The following GALNT2 variants were observed in gnomAD, a reference collection of about 807,000 sequenced individuals.
GALNT2 encodes polypeptide N-acetylgalactosaminyltransferase 2.
A neutral mutation model predicts 81.4 loss-of-function variants in GALNT2; 31 were observed. That is an observed-to-expected ratio of 0.38 (90% CI 0.29 to 0.51). The LOEUF (loss-of-function observed/expected upper bound fraction) is 0.51, where lower values mean the gene tolerates loss of function less well. Among genes scored for constraint, GALNT2 ranks in the 20% least tolerant of loss-of-function variants. GALNT2 has a pLI of 0.87. For missense variants in GALNT2, 629 were observed against 765.7 expected (o/e 0.82, Z 2.11); for synonymous variants, 303 against 287.4 (o/e 1.05, Z -0.55).
intron 15 of GALNT2, among the ~76,000 whole-genome samples, chr1:230,276,837 C>T (rs1362111449): frequency 1.3e-5 from 2 of 152,224 alleles, no homozygotes; most frequent in African/African-American, 4.8e-5. Context: ...AATTGCCTCA[C>T]TCATTGGCCC....
chr1:230,060,397 G>T (rs932080209), intron 1 of GALNT2, among the ~76,000 whole-genome samples: 1 of 152,044 alleles, frequency 6.6e-6, no homozygotes, highest in Non-Finnish European at 1.5e-5. Flanking sequence ...CCATGATGCT[G>T]TCACCTTCTC....
intron 1 of GALNT2, among the ~76,000 whole-genome samples, chr1:230,126,044 G>T (rs562160751): frequency 1.2e-3 from 187 of 152,360 alleles, no homozygotes; most frequent in African/African-American, 4.1e-3. Flanking sequence ...AGAGGACGGT[G>T]TGTGGGCTAC....
chr1:230,168,500 A>T (rs1311370940), intron 1 of GALNT2, among the ~76,000 whole-genome samples: 1 of 152,230 alleles, frequency 6.6e-6, no homozygotes, highest in African/African-American at 2.4e-5. Flanking sequence ...GCTTTCGAGC[A>T]TTTATCAAGA....
At chr1:230,182,634 T>C (rs1663195623) in intron 2 of GALNT2, among the ~76,000 whole-genome samples, 1 of 152,240 alleles carries the variant, frequency 6.6e-6, no homozygotes, top group Non-Finnish European at 1.5e-5. Context: ...TGTTAAGGTA[T>C]GCTTTGTGGC....
intron 1 of GALNT2, among the ~76,000 whole-genome samples, chr1:230,147,517 G>A (rs910571970): frequency 2.6e-5 from 4 of 152,330 alleles, no homozygotes; most frequent in East Asian, 1.9e-4. Flanking sequence ...CTGCTCTGCC[G>A]TGTGCCTGGC....
chr1:230,115,127 T>G (rs1660807909), intron 1 of GALNT2, among the ~76,000 whole-genome samples: 3 of 151,302 alleles, frequency 2.0e-5, no homozygotes, highest in Non-Finnish European at 2.9e-5. Flanking sequence ...TGCCTCAGCC[T>G]CCTAAGTAGG....
In GALNT2 at chr1:230,145,860, C is replaced by G. The variant is rs535750619; in HGVS notation, c.127-32358C>G. 2.0e-5 allele frequency among the ~76,000 whole-genome samples: 3 copies of G among 152,228 alleles called. No homozygotes were observed. In the East Asian group the frequency reaches 5.8e-4, roughly 29 times the overall value. ...AAAGAAATGAGAGGTAGCATTTCGG[C>G]TTGCTTGCCTGCCTGCCCAGCCCCT... On this transcript the variant is annotated intron_variant, in intron 1 of 15. Transcript: ENST00000366672.
At chr1:230,094,023 A>C (rs1037197643) in intron 1 of GALNT2, among the ~76,000 whole-genome samples, 3 of 152,176 alleles carry the variant, frequency 2.0e-5, no homozygotes, top group African/African-American at 4.8e-5. Context: ...TGTGTTTGAG[A>C]TAGGGTCTCG....
chr1:230,174,946 G>A (rs1662913781), intron 1 of GALNT2, among the ~76,000 whole-genome samples: 1 of 152,138 alleles, frequency 6.6e-6, no homozygotes, highest in Admixed American at 6.5e-5. Flanking sequence ...AGCCTTCCTG[G>A]GGGCCCTGTT....
intron 10 of GALNT2, among the ~76,000 whole-genome samples, chr1:230,253,159 A>C (rs1665603275): frequency 2.0e-5 from 3 of 152,152 alleles, no homozygotes; most frequent in Admixed American, 6.5e-5. Flanking sequence ...ACAACTTCTT[A>C]GGTTGTGTTG....
At chr1:230,146,483 G>A (rs746648321) in intron 1 of GALNT2, among the ~76,000 whole-genome samples, 6 of 152,120 alleles carry the variant, frequency 3.9e-5, no homozygotes, top group African/African-American at 1.4e-4. Flanking sequence ...TTCCTGACCC[G>A]GTTGGAGTGA....
At chr1:230,194,407 G>A (rs1209091247) in intron 2 of GALNT2, among the ~76,000 whole-genome samples, 1 of 152,302 alleles carries the variant, frequency 6.6e-6, no homozygotes, top group East Asian at 1.9e-4. Flanking sequence ...GGGGTCCAGA[G>A]CCAGGACTTG....
intron 1 of GALNT2, among the ~76,000 whole-genome samples, chr1:230,121,292 C>T (rs1281649040): frequency 6.6e-6 from 1 of 152,244 alleles, no homozygotes; most frequent in Non-Finnish European, 1.5e-5. Context: ...TGGACCACAC[C>T]TGAGGAGGCG....
At chr1:230,095,955 A>G (rs369797281) in intron 1 of GALNT2, among the ~76,000 whole-genome samples, 2 of 152,340 alleles carry the variant, frequency 1.3e-5, no homozygotes, top group East Asian at 3.9e-4. Flanking sequence ...CATGGGACAT[A>G]AGAACTTGTT....
intron 2 of GALNT2, 150 bp from the exon 3 acceptor site, chr1:230,202,986 TG>T: frequency 1.2e-6 from 1 of 811,972 alleles, no homozygotes; most frequent in Non-Finnish European, 2.0e-6. Context: ...GATGCTTGCT[TG>T]TGCTGTTTTC....
intron 13 of GALNT2, chr1:230,263,719 A>G (rs1055634298): frequency 6.6e-6 from 1 of 152,216 alleles, no homozygotes; most frequent in African/African-American, 2.4e-5. Flanking sequence ...TCTTAAAGGG[A>G]CTGTCAGGCA....
intron 2 of GALNT2, among the ~76,000 whole-genome samples, chr1:230,198,755 G>T (rs1182423672): frequency 6.6e-6 from 1 of 152,180 alleles, no homozygotes; most frequent in Non-Finnish European, 1.5e-5. Flanking sequence ...GGCTGGTAAG[G>T]TCAAACAATT....
intron 1 of GALNT2, among the ~76,000 whole-genome samples, chr1:230,109,527 C>T (rs962549071): frequency 5.3e-5 from 8 of 152,166 alleles, no homozygotes; most frequent in African/African-American, 1.9e-4. Context: ...TAGGAGTAGA[C>T]TTAAGAAGGA....
intron 1 of GALNT2, among the ~76,000 whole-genome samples, chr1:230,099,733 AG>A (rs1327778544): frequency 6.6e-6 from 1 of 152,220 alleles, no homozygotes; most frequent in Non-Finnish European, 1.5e-5. Flanking sequence ...GCTGCCCACC[AG>A]GCATGCCCAG....
Sources: allele counts gnomAD v4.1 joint callset (sites outside exome capture counted in the v4.1 genomes callset), GRCh38; gene constraint gnomAD v4.1.1; transcripts MANE v1.5; gene names NCBI Gene and HGNC (gene_info 2026-07-23, HGNC 2026-07-21).